The following SUGCT variants were observed in gnomAD, a reference collection of about 807,000 sequenced individuals.
SUGCT encodes succinyl-CoA:glutarate-CoA transferase, also known as succinyl-CoA:glutarate CoA-transferase.
In SUGCT, 41 loss-of-function variants were observed where a neutral mutation model predicts 55.0. The observed-to-expected ratio is 0.74, with a 90% CI of 0.58 to 0.97. The LOEUF (loss-of-function observed/expected upper bound fraction) is 0.97, where lower values mean the gene tolerates loss of function less well. SUGCT is among the 50% of genes least tolerant of loss of function. The probability of loss-of-function intolerance (pLI) is 0.00; values close to 1 mark genes in which losing one functional copy is unlikely to be tolerated. For missense variants in SUGCT, 568 were observed against 547.8 expected (o/e 1.04, Z -0.37); for synonymous variants, 187 against 200.4 (o/e 0.93, Z 0.56).
chr7:40,913,171 C>T, the SUGCT span, among the ~76,000 whole-genome samples: 1 of 152,012 alleles, frequency 6.6e-6, no homozygotes, highest in Non-Finnish European at 1.5e-5. Flanking sequence ...CCACCACGCC[C>T]AGCTAATTTT....
At chr7:40,196,481 C>G (rs2150752835) in intron 6 of SUGCT, among the ~76,000 whole-genome samples, 1 of 152,092 alleles carries the variant, frequency 6.6e-6, no homozygotes. Flanking sequence ...TAAATAAGCA[C>G]TTTTGTTTTT....
chr7:40,559,719 A>T (rs1287162193), intron 12 of SUGCT, among the ~76,000 whole-genome samples: 1 of 152,232 alleles, frequency 6.6e-6, no homozygotes, highest in African/African-American at 2.4e-5. Flanking sequence ...GAAGCCCAGT[A>T]CTGTGGATGT....
At chr7:40,558,481 A>G (rs1158962938) in intron 12 of SUGCT, among the ~76,000 whole-genome samples, 1 of 152,246 alleles carries the variant, frequency 6.6e-6, no homozygotes, top group African/African-American at 2.4e-5. Context: ...ACTTTGAAAC[A>G]TTATGCTAAG....
intron 12 of SUGCT, among the ~76,000 whole-genome samples, chr7:40,726,878 C>G (rs1425118666): frequency 6.6e-6 from 1 of 152,100 alleles, no homozygotes; most frequent in Non-Finnish European, 1.5e-5. Flanking sequence ...ACTAAGACAA[C>G]AAAGAATGAT....
the SUGCT span, among the ~76,000 whole-genome samples, chr7:40,992,859 A>G: frequency 9.0e-4 from 137 of 152,306 alleles, no homozygotes; most frequent in Middle Eastern, 3.4e-3. Flanking sequence ...TTTAAGGCAT[A>G]TATTCAAGAG....
chr7:40,663,162 ATTT>A (rs1801417752), intron 12 of SUGCT, among the ~76,000 whole-genome samples: 1 of 152,214 alleles, frequency 6.6e-6, no homozygotes, highest in Admixed American at 6.5e-5. Context: ...ATGAAGAATT[ATTT>A]CCCTCTTTCA....
At chr7:40,498,779 T>A (rs1000881517) in intron 12 of SUGCT, among the ~76,000 whole-genome samples, 1 of 152,106 alleles carries the variant, frequency 6.6e-6, no homozygotes, top group African/African-American at 2.4e-5. Flanking sequence ...CCCTTTAAGG[T>A]TATATTCTTG....
chr7:40,619,564 C>T (rs1799168930), intron 12 of SUGCT, among the ~76,000 whole-genome samples: 1 of 152,020 alleles, frequency 6.6e-6, no homozygotes, highest in African/African-American at 2.4e-5. Context: ...AATGCATGGC[C>T]TTTCCATCAG....
At chr7:40,184,478 A>C (rs1785385927) in intron 3 of SUGCT, among the ~76,000 whole-genome samples, 1 of 151,508 alleles carries the variant, frequency 6.6e-6, no homozygotes, top group Non-Finnish European at 1.5e-5. Context: ...TCTGTGAGCC[A>C]CTGCACCCGG....
At chr7:40,772,532 A>G (rs997506743) in intron 13 of SUGCT, among the ~76,000 whole-genome samples, 2 of 151,112 alleles carry the variant, frequency 1.3e-5, no homozygotes, top group Admixed American at 6.6e-5. Flanking sequence ...CTATCTATCT[A>G]TCTATCTATC....
At chr7:40,285,875 T>G (rs1793304073) in intron 8 of SUGCT, among the ~76,000 whole-genome samples, 2 of 152,194 alleles carry the variant, frequency 1.3e-5, no homozygotes, top group Admixed American at 1.3e-4. Flanking sequence ...TTTCATTTTC[T>G]AGATGAATAA....
intron 11 of SUGCT, among the ~76,000 whole-genome samples, chr7:40,489,390 G>A (rs1405224232): frequency 6.6e-6 from 1 of 151,978 alleles, no homozygotes; most frequent in Admixed American, 6.6e-5. Context: ...CCTTAAAACT[G>A]CTATTTTGGG....
At chr7:40,980,150 CAA>C in the SUGCT span, among the ~76,000 whole-genome samples, 8 of 151,730 alleles carry the variant, frequency 5.3e-5, no homozygotes, top group South Asian at 2.1e-4. Context: ...CAAGAGAGAG[CAA>C]GAGAGAGAGA....
chr7:40,209,664 C>T (rs1919615), intron 6 of SUGCT, among the ~76,000 whole-genome samples: 68,212 of 151,666 alleles, frequency 0.45, 15,553 homozygotes, highest in Middle Eastern at 0.62. Context: ...GGTGTGGTGG[C>T]GCATGCCTGT....
chr7:40,179,544 A>G (rs1466908978), intron 1 of SUGCT, among the ~76,000 whole-genome samples: 1 of 152,180 alleles, frequency 6.6e-6, no homozygotes, highest in Non-Finnish European at 1.5e-5. Flanking sequence ...CGGCCTCCCA[A>G]AGTGCTGGGA....
chr7:40,708,311 A>G (rs1785527039), intron 12 of SUGCT, among the ~76,000 whole-genome samples: 1 of 152,194 alleles, frequency 6.6e-6, no homozygotes, highest in African/African-American at 2.4e-5. Context: ...TGATAAAGCA[A>G]AAAGGAAAGG....
At chr7:40,166,108 C>T (rs1784413203) in intron 1 of SUGCT, among the ~76,000 whole-genome samples, 1 of 152,110 alleles carries the variant, frequency 6.6e-6, no homozygotes, top group Admixed American at 6.6e-5. Context: ...GGTGACAGAG[C>T]TAGACTCCAT....
the SUGCT span, among the ~76,000 whole-genome samples, chr7:40,998,771 A>T: frequency 1.3e-5 from 2 of 152,136 alleles, no homozygotes; most frequent in African/African-American, 4.8e-5. Flanking sequence ...GACACCCCTG[A>T]CTCTGTCTTC....
At chr7:40,344,624 G>A (rs1797219487) in intron 9 of SUGCT, among the ~76,000 whole-genome samples, 1 of 152,148 alleles carries the variant, frequency 6.6e-6, no homozygotes, top group South Asian at 2.1e-4. Context: ...GAGATTGTAT[G>A]ACCTGCAAAG....
Sources: allele counts gnomAD v4.1 joint callset (sites outside exome capture counted in the v4.1 genomes callset), GRCh38; gene constraint gnomAD v4.1.1; transcripts MANE v1.5; gene names NCBI Gene and HGNC (gene_info 2026-07-23, HGNC 2026-07-21).